Variants in CERS6 observed in about 807,000 individuals in gnomAD.
The protein encoded by CERS6 is ceramide synthase 6.
A neutral mutation model predicts 56.8 loss-of-function variants in CERS6; 26 were observed. The observed-to-expected ratio is 0.46, with a 90% CI of 0.34 to 0.63. The LOEUF (loss-of-function observed/expected upper bound fraction) is 0.63, where lower values mean the gene tolerates loss of function less well. CERS6 is among the 30% of genes least tolerant of loss of function. CERS6 has a pLI of 0.01. For missense variants in CERS6, 415 were observed against 467.5 expected (o/e 0.89, Z 1.04); for synonymous variants, 164 against 173.3 (o/e 0.95, Z 0.42).
At chr2:168,737,578 C>A (rs1486053421) in intron 8 of CERS6, among the ~76,000 whole-genome samples, 2 of 152,192 alleles carry the variant, frequency 1.3e-5, no homozygotes, top group Non-Finnish European at 2.9e-5. Flanking sequence ...ATGCTTATGA[C>A]TCCAGGCAGG....
At chr2:168,534,320 T>G (rs1417442464) in intron 1 of CERS6, among the ~76,000 whole-genome samples, 1 of 152,074 alleles carries the variant, frequency 6.6e-6, no homozygotes, top group Non-Finnish European at 1.5e-5. Context: ...GTTTTCAGTG[T>G]TTTTTCCTTG....
intron 3 of CERS6, among the ~76,000 whole-genome samples, chr2:168,580,777 C>T (rs1683389404): frequency 6.6e-6 from 1 of 152,024 alleles, no homozygotes. Context: ...GTATAGAATT[C>T]TAGTCTAGCA....
At chr2:168,471,349 TATA>T (rs1341406904) in intron 1 of CERS6, among the ~76,000 whole-genome samples, 4 of 152,216 alleles carry the variant, frequency 2.6e-5, no homozygotes, top group African/African-American at 9.6e-5. Flanking sequence ...CACTTGCATA[TATA>T]ATAAGAGCTT....
At chr2:168,486,519 G>GTTTTTTTTTTTTTTTT (rs200121622) in intron 1 of CERS6, among the ~76,000 whole-genome samples, 1 of 130,970 alleles carries the variant, frequency 7.6e-6, no homozygotes, top group East Asian at 2.2e-4. Context: ...TCTAGATTTG[G>GTTTTTTTTTTTTTTTT]TTTTGTTTTT....
chr2:168,661,628 GA>G (rs1685631017), intron 4 of CERS6, among the ~76,000 whole-genome samples: 1 of 151,206 alleles, frequency 6.6e-6, no homozygotes, highest in South Asian at 2.1e-4. Flanking sequence ...GCTCAAGATA[GA>G]GAAGTAGATT....
intron 8 of CERS6, among the ~76,000 whole-genome samples, chr2:168,760,978 C>A (rs1010234090): frequency 6.6e-6 from 1 of 151,998 alleles, no homozygotes; most frequent in Non-Finnish European, 1.5e-5. Context: ...AGGATGGTCT[C>A]GATCTCCTGA....
intron 6 of CERS6, among the ~76,000 whole-genome samples, chr2:168,699,803 T>G (rs1287316137): frequency 6.6e-6 from 1 of 152,224 alleles, no homozygotes; most frequent in Admixed American, 6.5e-5. Flanking sequence ...CATCTTTTAT[T>G]TCCCAAGGCT....
intron 4 of CERS6, among the ~76,000 whole-genome samples, chr2:168,655,861 C>A (rs1685456775): frequency 6.6e-6 from 1 of 152,180 alleles, no homozygotes; most frequent in Non-Finnish European, 1.5e-5. Flanking sequence ...TAGATCTTAG[C>A]TGCTTTTATC....
At chr2:168,686,856 AG>A (rs1201663087) in intron 4 of CERS6, among the ~76,000 whole-genome samples, 1 of 152,230 alleles carries the variant, frequency 6.6e-6, no homozygotes, top group Admixed American at 6.5e-5. Context: ...ATTAGAATAC[AG>A]GCTAAGCTAC....
In CERS6 at chr2:168,709,149, C is replaced by T. The variant is rs144403266; in HGVS notation, c.610-5852C>T. On this transcript the variant is annotated intron_variant, in intron 6 of 9. Transcript: ENST00000305747. ...TGTACATAAAATTCCCCTAGAGAACCGAATTAACGATGCTGATTTTCATTC... is the reference window on the plus strand; with the variant it reads ...TGTACATAAAATTCCCCTAGAGAACTGAATTAACGATGCTGATTTTCATTC... Among the ~76,000 whole-genome samples the T allele has an allele frequency of 4.9e-3, 748 of 152,120 alleles. 3 individuals are homozygous for T. The highest frequency in any genetic ancestry group is 8.8e-3 in the Non-Finnish European group (596 of 67,954).
Position 168,635,002 on chromosome 2 carries a change from A to T in CERS6, c.465+3960A>T, listed in dbSNP as rs571058471. On this transcript the variant is annotated intron_variant, in intron 4 of 9. Transcript: ENST00000305747. ...AGCAGCTCCTCCTGATTTTTGAAAA[A>T]GTCTATCTATGAAGAAAAGTTAGCT... Among the ~76,000 whole-genome samples the T allele has an allele frequency of 2.6e-5, 4 of 152,292 alleles. No individual in the cohort carries two copies. In the South Asian group the frequency reaches 8.3e-4, roughly 32 times the overall value.
At chr2:168,460,498 A>G (rs1693759810) in intron 1 of CERS6, among the ~76,000 whole-genome samples, 1 of 152,124 alleles carries the variant, frequency 6.6e-6, no homozygotes, top group African/African-American at 2.4e-5. Context: ...CACCTGGTCA[A>G]GAGATTTTTT....
At chr2:168,746,793 A>ATG (rs1320118676) in intron 8 of CERS6, among the ~76,000 whole-genome samples, 1 of 99,010 alleles carries the variant, frequency 1.0e-5, no homozygotes, top group African/African-American at 4.0e-5. Context: ...ATATATATAT[A>ATG]TATATATATA....
Position 168,530,403 on chromosome 2 carries a change from A to G in CERS6, c.171-17193A>G, listed in dbSNP as rs191628574. Among the ~76,000 whole-genome samples, 257 of 152,354 alleles carry G rather than the reference A, an allele frequency of 1.7e-3. 3 individuals are homozygous for G. The Middle Eastern group carries it at 0.027, about 16-fold the overall frequency. ...CAATTACTGTAATTTTACAAGTACCACAATACTGTGCAAATATTGGCTAAC... is the reference window on the plus strand; with the variant it reads ...CAATTACTGTAATTTTACAAGTACCGCAATACTGTGCAAATATTGGCTAAC... On this transcript the variant is annotated intron_variant, in intron 1 of 9. Coordinates refer to ENST00000305747, the MANE Select transcript of CERS6 (RefSeq NM_203463.3).
At chr2:168,577,707 T>C (rs1313614741) in intron 3 of CERS6, among the ~76,000 whole-genome samples, 2 of 151,962 alleles carry the variant, frequency 1.3e-5, no homozygotes, top group African/African-American at 2.4e-5. Flanking sequence ...GACAGGGGCA[T>C]AGGGAGGCAG....
intron 4 of CERS6, among the ~76,000 whole-genome samples, chr2:168,639,587 G>C (rs949429013): frequency 6.6e-6 from 1 of 152,122 alleles, no homozygotes. Flanking sequence ...CAGCTTTCTG[G>C]GGGAAGTAAT....
intron 2 of CERS6, among the ~76,000 whole-genome samples, chr2:168,554,906 A>G (rs896145571): frequency 6.6e-6 from 1 of 152,332 alleles, no homozygotes. Context: ...TATGAATCAT[A>G]TATGTATTAA....
At chr2:168,598,881 G>A (rs1449202356) in intron 3 of CERS6, among the ~76,000 whole-genome samples, 1 of 152,128 alleles carries the variant, frequency 6.6e-6, no homozygotes, top group African/African-American at 2.4e-5. Flanking sequence ...CTGGAACATG[G>A]TCACAACTAA....
At chr2:168,668,404 G>A (rs1359592424) in intron 4 of CERS6, among the ~76,000 whole-genome samples, 1 of 151,380 alleles carries the variant, frequency 6.6e-6, no homozygotes, top group Non-Finnish European at 1.5e-5. Flanking sequence ...TCTGTGAATG[G>A]AGCTTTAGTT....
Sources: allele counts gnomAD v4.1 joint callset (sites outside exome capture counted in the v4.1 genomes callset), GRCh38; gene constraint gnomAD v4.1.1; transcripts MANE v1.5; gene names NCBI Gene and HGNC (gene_info 2026-07-23, HGNC 2026-07-21).